Variants in TGFA observed in about 807,000 individuals in gnomAD.
TGFA encodes transforming growth factor alpha, also known as protransforming growth factor alpha.
Under a neutral mutation model 21.7 loss-of-function variants are expected in TGFA, and 12 were observed. That is an observed-to-expected ratio of 0.55 (90% CI 0.35 to 0.90). The LOEUF (loss-of-function observed/expected upper bound fraction) is 0.90. Ranked by LOEUF, TGFA falls within the 40% of genes least tolerant of loss-of-function variation. The probability of loss-of-function intolerance (pLI) is 0.01; values close to 1 mark genes in which losing one functional copy is unlikely to be tolerated. For synonymous variants in TGFA, 79 were observed against 88.1 expected (o/e 0.90, Z 0.58); for missense variants, 178 against 210.8 (o/e 0.84, Z 0.96).
At chr2:70,514,964 T>G (rs377433962) in intron 1 of TGFA, 52 bp from the exon 2 acceptor site, 1 of 1,573,320 alleles carries the variant, frequency 6.4e-7, no homozygotes, top group Middle Eastern at 1.7e-4. Flanking sequence ...TGGCAAATGA[T>G]GTCCTCAGAC....
intron 2 of TGFA, among the ~76,000 whole-genome samples, chr2:70,500,806 T>C (rs1671716812): frequency 6.6e-6 from 1 of 152,222 alleles, no homozygotes; most frequent in Non-Finnish European, 1.5e-5. Flanking sequence ...TAGGCTTCCA[T>C]ATAAGCCCCC....
chr2:70,521,609 G>GTTGGTTTTTTTTTTTTTTTTTTT, intron 1 of TGFA, among the ~76,000 whole-genome samples: 1 of 78,876 alleles, frequency 1.3e-5, no homozygotes, highest in African/African-American at 5.0e-5. Context: ...TTTTGTTGTT[G>GTTGGTTTTTTTTTTTTTTTTTTT]TTTGTTTGTT....
chr2:70,481,618 C>A (rs1257131858), intron 2 of TGFA, among the ~76,000 whole-genome samples: 1 of 152,196 alleles, frequency 6.6e-6, no homozygotes, highest in Non-Finnish European at 1.5e-5. Flanking sequence ...AAGTCCCCTC[C>A]CATACTGTCT....
chr2:70,493,235 T>G (rs1671486206), intron 2 of TGFA, among the ~76,000 whole-genome samples: 1 of 152,208 alleles, frequency 6.6e-6, no homozygotes, highest in Non-Finnish European at 1.5e-5. Context: ...CAGCACTGAC[T>G]GCGGCTTTCT....
chr2:70,528,184 G>A (rs1553503174), intron 1 of TGFA, among the ~76,000 whole-genome samples: 1 of 152,208 alleles, frequency 6.6e-6, no homozygotes, highest in African/African-American at 2.4e-5. Flanking sequence ...TCTAATTTTA[G>A]TCAACTAGTC....
In TGFA at chr2:70,450,697, C is replaced by A; in HGVS notation, c.*162G>T. On this transcript the variant is annotated 3_prime_UTR_variant, in exon 6 of 6. Coordinates refer to ENST00000295400, the MANE Select transcript of TGFA (RefSeq NM_003236.4). ...TGAATAACCCCAAGCAGACGGAGTT[C>A]TTGACAGAGTTTTGAAGGCCCACAA... The A allele has an allele frequency of 1.4e-6, 1 of 723,894 alleles. No individual in the cohort carries two copies. The allele number at this position is 723,894 out of a possible 1,614,324, so 44.8% of individuals were successfully genotyped here.
At chr2:70,546,801 T>A (rs1553505968) in intron 1 of TGFA, among the ~76,000 whole-genome samples, 1 of 152,146 alleles carries the variant, frequency 6.6e-6, no homozygotes, top group Non-Finnish European at 1.5e-5. Context: ...GTGATCTGCC[T>A]GCCTCAACCT....
chr2:70,452,235 T>C lies in TGFA; in HGVS notation c.475+983A>G, dbSNP rs11466270. On this transcript the variant is annotated intron_variant, in intron 5 of 5. Coordinates refer to ENST00000295400, the MANE Select transcript of TGFA (RefSeq NM_003236.4). ...ACCCACTATGTCCTCAAGAAGAACT[T>C]TACGATGGGCTCTCTTGGTCAAAAT... Among the ~76,000 whole-genome samples, 1,407 of 152,248 alleles carry C rather than the reference T, an allele frequency of 9.2e-3. 23 individuals are homozygous for C. Among genetic ancestry groups the C allele is most frequent in the African/African-American group, 0.032 (1,334 of 41,536 alleles).
At chr2:70,469,583 T>G (rs1348531269) in intron 2 of TGFA, among the ~76,000 whole-genome samples, 2 of 152,164 alleles carry the variant, frequency 1.3e-5, no homozygotes, top group Non-Finnish European at 2.9e-5. Flanking sequence ...GTGATCTGCC[T>G]ACCTCGGCCT....
chr2:70,549,484 C>A (rs1553506462), intron 1 of TGFA, among the ~76,000 whole-genome samples: 4 of 152,200 alleles, frequency 2.6e-5, no homozygotes, highest in Non-Finnish European at 4.4e-5. Flanking sequence ...TGAATCACAA[C>A]CGCAGTGGAG....
At chr2:70,532,751 C>T (rs944158327) in intron 1 of TGFA, among the ~76,000 whole-genome samples, 2 of 152,240 alleles carry the variant, frequency 1.3e-5, no homozygotes, top group African/African-American at 4.8e-5. Context: ...AACCCTCTCC[C>T]TGCTTTAGGC....
chr2:70,472,000 C>A (rs1215127027), intron 2 of TGFA, among the ~76,000 whole-genome samples: 2 of 152,098 alleles, frequency 1.3e-5, no homozygotes, highest in African/African-American at 2.4e-5. Context: ...TCCTGCTTTT[C>A]TCTCTCTCCC....
chr2:70,481,217 G>A (rs1553495457), intron 2 of TGFA, among the ~76,000 whole-genome samples: 1 of 152,124 alleles, frequency 6.6e-6, no homozygotes, highest in Non-Finnish European at 1.5e-5. Context: ...CCCAGTCAGG[G>A]TTCTGCATAT....
intron 2 of TGFA, among the ~76,000 whole-genome samples, chr2:70,494,036 T>G (rs1671508159): frequency 6.6e-6 from 1 of 152,202 alleles, no homozygotes; most frequent in Non-Finnish European, 1.5e-5. Context: ...ACTCAAAGTG[T>G]CATCACCAGG....
At chr2:70,480,099 G>A (rs1339471121) in intron 2 of TGFA, among the ~76,000 whole-genome samples, 1 of 152,172 alleles carries the variant, frequency 6.6e-6, no homozygotes, top group Non-Finnish European at 1.5e-5. Flanking sequence ...TTTAACTGTA[G>A]CGCCTTCAAA....
Position 70,553,341 on chromosome 2 carries a change from G to T in TGFA, c.40+387C>A. 9 of 1,492,816 alleles carry T rather than the reference G, an allele frequency of 6.0e-6. No homozygotes were observed. The South Asian group carries it at 1.2e-4, about 19-fold the overall frequency. 92.5% of individuals were successfully genotyped at this position (1,492,816 alleles called of 1,614,324 possible). A position where few individuals can be genotyped will look rare whatever the true frequency, so the allele number is the denominator to read the frequency against. ...AGACGCCGGCCCCCGTTCCGAGGCG[G>T]CCCAGTCTACACGCCAGCGACGCCG... is the stretch of plus-strand genomic sequence containing the variant. On this transcript the variant is annotated intron_variant, in intron 1 of 5. Coordinates refer to ENST00000295400, the MANE Select transcript of TGFA (RefSeq NM_003236.4).
chr2:70,454,472 A>C (rs1246433712), intron 4 of TGFA, among the ~76,000 whole-genome samples: 1 of 152,186 alleles, frequency 6.6e-6, no homozygotes, highest in African/African-American at 2.4e-5. Context: ...CTGGGCTGGA[A>C]ACAGTACATC....
At position 70,504,461 on chromosome 2, in the gene TGFA, T is replaced by C. The variant is rs868919360; in HGVS notation, c.94+10398A>G. Among the ~76,000 whole-genome samples the C allele has an allele frequency of 4.3e-3, 277 of 65,154 alleles. 5 individuals are homozygous for C. The highest frequency in any genetic ancestry group is 0.025 in the African/African-American group (244 of 9,752). 42.7% of individuals were successfully genotyped at this position (65,154 alleles called of 152,430 possible). On this transcript the variant is annotated intron_variant, in intron 2 of 5. Coordinates refer to ENST00000295400, the MANE Select transcript of TGFA (RefSeq NM_003236.4). ...ATATATATATATATATATATATATA[T>C]ATACACACATACATACATACATACA...
intron 2 of TGFA, 53 bp from the exon 3 acceptor site, chr2:70,465,789 C>T (rs1428318998): frequency 1.2e-6 from 2 of 1,603,866 alleles, no homozygotes; most frequent in East Asian, 2.2e-5. Flanking sequence ...GACATGCAAA[C>T]CCCACACCTC....
Sources: allele counts gnomAD v4.1 joint callset (sites outside exome capture counted in the v4.1 genomes callset), GRCh38; gene constraint gnomAD v4.1.1; transcripts MANE v1.5; gene names NCBI Gene and HGNC (gene_info 2026-07-23, HGNC 2026-07-21).